Variants in TRIM66 observed in about 807,000 individuals in gnomAD.
TRIM66 encodes tripartite motif-containing protein 66.
Under a neutral mutation model 148.2 loss-of-function variants are expected in TRIM66, and 99 were observed. The ratio of observed to expected loss-of-function variants is 0.67; its 90% CI spans 0.57 to 0.79. The LOEUF (loss-of-function observed/expected upper bound fraction) is 0.79. TRIM66 is among the 30% of genes least tolerant of loss of function. The probability of loss-of-function intolerance (pLI) is 0.00; values close to 1 mark genes in which losing one functional copy is unlikely to be tolerated. For synonymous variants in TRIM66, 616 were observed against 635.9 expected (o/e 0.97, Z 0.47); for missense variants, 1,666 against 1,697.9 (o/e 0.98, Z 0.33).
At chr11:8,682,123 A>T (rs2039462480) in intron 1 of TRIM66, among the ~76,000 whole-genome samples, 1 of 152,218 alleles carries the variant, frequency 6.6e-6, no homozygotes, top group Non-Finnish European at 1.5e-5. Context: ...TAAAGCAACC[A>T]GGCATCTAAG....
Position 8,624,674 on chromosome 11 carries a change from G to T in TRIM66, c.2826+39C>A. On this transcript the variant is annotated intron_variant, in intron 16 of 24. Transcript: ENST00000646038. ...AGTGGCCAATCTTTTGCCCAATGAT[G>T]AACAAAGGAAGTTTGGATAGCATTT... The T allele has an allele frequency of 2.0e-6, 3 of 1,479,076 alleles. No individual in the cohort carries two copies. In the South Asian group the frequency reaches 4.2e-5, roughly 21 times the overall value. 91.6% of individuals were successfully genotyped at this position (1,479,076 alleles called of 1,614,324 possible).
In TRIM66 at chr11:8,620,512, A is replaced by G. The variant is rs778969720; in HGVS notation, c.3606T>C (p.Cys1202=). The G allele has an allele frequency of 1.3e-6, 2 of 1,551,780 alleles. No individual in the cohort carries two copies. Among genetic ancestry groups the G allele is most frequent in the South Asian group, 2.4e-5 (2 of 84,052 alleles). The change falls in exon 21 of 25, where the codon TGT becomes TGC. Residue 1202 remains cysteine (C), a synonymous_variant. Transcript: ENST00000646038. ...CAGGCTGGTTATAGCAGGCATTCTCACAGTCGTACTCCATCTCGGGCTGGG... is the reference window on the plus strand; with the variant it reads ...CAGGCTGGTTATAGCAGGCATTCTCGCAGTCGTACTCCATCTCGGGCTGGG... ...SLTQPEMEYD[C]ENACYNQPGM...
At position 8,616,285 on chromosome 11, in the gene TRIM66, C is replaced by T. The variant is rs1448737571; in HGVS notation, c.*1659G>A. 6.6e-6 allele frequency: 1 copy of T among 152,168 alleles called. No individual in the cohort carries two copies. Among genetic ancestry groups the T allele is most frequent in the Non-Finnish European group, 1.5e-5 (1 of 68,028 alleles). The allele number at this position is 152,168 out of a possible 1,614,324, so 9.4% of individuals were successfully genotyped here. ...TGGGTAGAGAAGGAAATGAGCAATA[C>T]CATCAACTCACAAAGAGAGAAGAAA... On this transcript the variant is annotated 3_prime_UTR_variant, in exon 25 of 25. Transcript: ENST00000646038.
At chr11:8,662,466 C>T (rs569417582) in intron 6 of TRIM66, among the ~76,000 whole-genome samples, 1 of 152,146 alleles carries the variant, frequency 6.6e-6, no homozygotes, top group South Asian at 2.1e-4. Context: ...TAGTAGTGTT[C>T]GGGGATGCTG....
At chr11:8,653,553 G>A (rs2037546482) in intron 6 of TRIM66, among the ~76,000 whole-genome samples, 2 of 152,126 alleles carry the variant, frequency 1.3e-5, no homozygotes, top group Admixed American at 1.3e-4. Context: ...TGAATACAGT[G>A]CAAGAGTGAA....
chr11:8,614,439 G>A lies in TRIM66; in HGVS notation c.*3505C>T. On this transcript the variant is annotated 3_prime_UTR_variant, in exon 25 of 25. Coordinates refer to ENST00000646038, the MANE Select transcript of TRIM66 (RefSeq NM_001388022.1). Reference sequence around the variant, plus strand: ...AACATCAGTGTGTGATAGGCTCTGGGTTCATGCTGGGGAGAGGAAGAAGTC... The same window carrying A: ...AACATCAGTGTGTGATAGGCTCTGGATTCATGCTGGGGAGAGGAAGAAGTC... 1 of 152,452 alleles carries A rather than the reference G, an allele frequency of 6.6e-6. No homozygotes were observed. The highest frequency in any genetic ancestry group is 1.9e-4 in the East Asian group (1 of 5,208). The allele number at this position is 152,452 out of a possible 1,614,324, so 9.4% of individuals were successfully genotyped here.
At position 8,655,092 on chromosome 11, in the gene TRIM66, T is replaced by C. The variant is rs112575617; in HGVS notation, c.341-3189A>G. Among the ~76,000 whole-genome samples, 1,239 of 152,230 alleles carry C rather than the reference T, an allele frequency of 8.1e-3. 17 individuals are homozygous for C. The highest frequency in any genetic ancestry group is 0.029 in the African/African-American group (1,190 of 41,532). Reference sequence around the variant, plus strand: ...CCAGGCTGATCTCGAACTCCTGACCTCAAGTGATCCACCCACCTCAGCCTC... The same window carrying C: ...CCAGGCTGATCTCGAACTCCTGACCCCAAGTGATCCACCCACCTCAGCCTC... On this transcript the variant is annotated intron_variant, in intron 6 of 24. Coordinates refer to ENST00000646038, the MANE Select transcript of TRIM66 (RefSeq NM_001388022.1).
intron 15 of TRIM66, among the ~76,000 whole-genome samples, chr11:8,626,533 C>G (rs374217715): frequency 9.8e-5 from 15 of 152,300 alleles, no homozygotes; most frequent in African/African-American, 3.4e-4. Flanking sequence ...CACACCCAAG[C>G]TAATACCAAG....
chr11:8,651,382 C>T (rs772142385), intron 7 of TRIM66, among the ~76,000 whole-genome samples: 12 of 151,962 alleles, frequency 7.9e-5, no homozygotes, highest in Non-Finnish European at 1.8e-4. Flanking sequence ...TTGTTAAATA[C>T]AGGCAAGGTT....
In TRIM66 at chr11:8,640,688, CCTGTGGGG is replaced by C; in HGVS notation, c.1679_1686del (p.Pro560ArgfsTer74). On this transcript the variant is annotated frameshift_variant, in exon 14 of 25. Coordinates refer to ENST00000646038, the MANE Select transcript of TRIM66 (RefSeq NM_001388022.1). LOFTEE classifies it high-confidence loss of function. ...TGGGCATGGGCTCCTTGCTGAACAT[CCTGTGGGG>C]GGACAATGCACACGGGCTGGGAAGT... The C allele has an allele frequency of 1.9e-6, 3 of 1,551,572 alleles. No homozygotes were observed. Among genetic ancestry groups the C allele is most frequent in the Non-Finnish European group, 2.6e-6 (3 of 1,146,972 alleles).
chr11:8,645,573 C>T (rs1265729688), intron 12 of TRIM66, 168 bp downstream of exon 12: 1 of 822,564 alleles, frequency 1.2e-6, no homozygotes, highest in East Asian at 2.7e-5. Flanking sequence ...TACTTACTAA[C>T]CCAAAAGCAG....
rs1252855339 is a variant in TRIM66, at chr11:8,640,363, T to C, written c.2012A>G (p.Gln671Arg). Residue 671 changes from glutamine (Q) to arginine (R), a missense_variant, in exon 14 of 25, where the codon CAG becomes CGG. By Grantham distance (43) the Gln-to-Arg change is conservative. Transcript: ENST00000646038. The stretch of plus-strand genomic sequence containing the variant: ...CAGTTGCAGGCTGGGCTGTTGAGCC[T>C]GGAGAAGAAGCTCCAAGTCCTTCTG... ...EMQKDLELLL[Q>R]AQQPSLQLSQ... The C allele has an allele frequency of 6.4e-7, 1 of 1,551,744 alleles. No homozygotes were observed. The highest frequency in any genetic ancestry group is 2.4e-5 in the East Asian group (1 of 40,902).
rs945325926 is a variant in TRIM66 at position 8,613,894 on chromosome 11, G to C, written c.*4050C>G. 3 of 152,126 alleles carry C rather than the reference G, an allele frequency of 2.0e-5. No homozygotes were observed. The East Asian group carries it at 5.8e-4, about 29-fold the overall frequency. The allele number at this position is 152,126 out of a possible 1,614,324, so 9.4% of individuals were successfully genotyped here. ...GAGGCATGGGTGGGGAAAAAAAAAG[G>C]GATCACAACAAGTTAAAGAATTTCC... On this transcript the variant is annotated 3_prime_UTR_variant, in exon 25 of 25. Coordinates refer to ENST00000646038, the MANE Select transcript of TRIM66 (RefSeq NM_001388022.1).
intron 15 of TRIM66, among the ~76,000 whole-genome samples, chr11:8,627,299 T>G (rs1027670512): frequency 2.0e-5 from 3 of 152,214 alleles, no homozygotes; most frequent in Non-Finnish European, 4.4e-5. Flanking sequence ...TCTACAAATC[T>G]TTAGCCAAAT....
intron 3 of TRIM66, among the ~76,000 whole-genome samples, chr11:8,676,494 T>G (rs1195771371): frequency 6.6e-6 from 1 of 152,206 alleles, no homozygotes; most frequent in East Asian, 1.9e-4. Flanking sequence ...GCATTAGACC[T>G]TGCATCACAA....
intron 15 of TRIM66, among the ~76,000 whole-genome samples, chr11:8,633,107 G>A (rs1275964469): frequency 6.6e-6 from 1 of 152,168 alleles, no homozygotes; most frequent in African/African-American, 2.4e-5. Flanking sequence ...AGGAGAATTT[G>A]GTCAAAGGTA....
At chr11:8,669,288 G>C (rs1237958033) in intron 6 of TRIM66, among the ~76,000 whole-genome samples, 1 of 152,166 alleles carries the variant, frequency 6.6e-6, no homozygotes, top group African/African-American at 2.4e-5. Flanking sequence ...CCTTCATACT[G>C]TCAATACTGC....
intron 6 of TRIM66, among the ~76,000 whole-genome samples, chr11:8,668,932 C>T (rs1273894807): frequency 3.3e-5 from 5 of 152,184 alleles, no homozygotes; most frequent in Admixed American, 6.5e-5. Flanking sequence ...TGCAGATCTC[C>T]TGAGGTCCAG....
chr11:8,621,129 C>T lies in TRIM66; in HGVS notation c.3448G>A (p.Ala1150Thr). Residue 1150 changes from alanine to threonine, a missense_variant, in exon 20 of 25, where the codon GCT (alanine) becomes ACT (threonine). By Grantham distance (58) the Ala-to-Thr change is moderately conservative. Around this residue, in one of 3 missense-constraint regions of TRIM66, gnomAD observed 1,431 missense variants for 1,412.4 expected, o/e 1.01. Transcript: ENST00000646038. ...PAPIENEDFC[A>T]VCLNGGELLC... ...AACTCTCCGCCATTGAGGCAAACAG[C>T]ACAGAAGTCCTCATTCTCTATTGGG... 1 of 1,551,718 alleles carries T rather than the reference C, an allele frequency of 6.4e-7. No individual in the cohort carries two copies.
Sources: allele counts gnomAD v4.1 joint callset (sites outside exome capture counted in the v4.1 genomes callset), GRCh38; gene constraint gnomAD v4.1.1; regional missense constraint gnomAD v4.1.1; transcripts MANE v1.5; gene names NCBI Gene and HGNC (gene_info 2026-07-23, HGNC 2026-07-21).